Variants in PDE4B observed in about 807,000 individuals in gnomAD.
PDE4B encodes the protein 3',5'-cyclic-AMP phosphodiesterase 4B.
In PDE4B, 20 loss-of-function variants were observed where a neutral mutation model predicts 82.2. The observed-to-expected ratio is 0.24, with a 90% confidence interval of 0.17 to 0.35. The LOEUF is 0.35. Ranked by LOEUF, PDE4B falls within the 10% of genes least tolerant of loss-of-function variation. The probability of loss-of-function intolerance (pLI) is 1.00; values close to 1 mark genes in which losing one functional copy is unlikely to be tolerated. For synonymous variants in PDE4B, 320 were observed against 318.9 expected, an observed-to-expected ratio of 1.00 and a Z score of -0.04; for missense variants, 655 against 907.2, an observed-to-expected ratio of 0.72 and a Z score of 3.57.
intron 3 of PDE4B, among the ~76,000 whole-genome samples, chr1:65,971,316 C>T (rs1176320175): frequency 6.6e-6 from 1 of 151,982 alleles, no homozygotes; most frequent in Non-Finnish European, 1.5e-5. Context: ...AACTTGATTG[C>T]TTTTTCTATA....
chr1:65,827,621 CGAA>C (rs1557767172), intron 1 of PDE4B, among the ~76,000 whole-genome samples: 2 of 151,848 alleles, frequency 1.3e-5, no homozygotes. Context: ...TTGAGAAAAC[CGAA>C]GAAGATCAGA....
At chr1:66,221,518 T>A (rs1650987029) in intron 3 of PDE4B, among the ~76,000 whole-genome samples, 1 of 152,170 alleles carries the variant, frequency 6.6e-6, no homozygotes. Flanking sequence ...GCAGCAACAC[T>A]CTGAAATATA....
At chr1:65,867,015 A>G (rs1646519513) in intron 1 of PDE4B, among the ~76,000 whole-genome samples, 1 of 152,226 alleles carries the variant, frequency 6.6e-6, no homozygotes, top group Admixed American at 6.5e-5. Flanking sequence ...AGAGGTGTTT[A>G]ATGAAATATT....
intron 3 of PDE4B, among the ~76,000 whole-genome samples, chr1:66,195,885 G>T (rs1648258471): frequency 6.6e-6 from 1 of 151,788 alleles, no homozygotes; most frequent in African/African-American, 2.4e-5. Context: ...TTCCAAGAGT[G>T]GTATTGATTG....
chr1:65,935,646 T>G (rs1009924983), intron 3 of PDE4B, among the ~76,000 whole-genome samples: 1 of 152,198 alleles, frequency 6.6e-6, no homozygotes, highest in African/African-American at 2.4e-5. Context: ...ATACTTAGTT[T>G]AAAACACAAA....
At chr1:66,179,378 C>T (rs1327154769) in intron 3 of PDE4B, among the ~76,000 whole-genome samples, 1 of 151,930 alleles carries the variant, frequency 6.6e-6, no homozygotes, top group African/African-American at 2.4e-5. Context: ...TGGGTAGCAA[C>T]ACAGAAAATG....
intron 3 of PDE4B, among the ~76,000 whole-genome samples, chr1:66,009,098 A>C (rs1375196700): frequency 6.6e-6 from 1 of 151,972 alleles, no homozygotes; most frequent in African/African-American, 2.4e-5. Flanking sequence ...TCCCCCCTAC[A>C]CCATGCCCTT....
chr1:66,058,376 G>T (rs899993645), intron 3 of PDE4B, among the ~76,000 whole-genome samples: 4 of 152,176 alleles, frequency 2.6e-5, no homozygotes, highest in Admixed American at 6.5e-5. Context: ...CCACTCTGTT[G>T]TCTAGAGGAC....
At chr1:66,014,774 C>T (rs1410107289) in intron 3 of PDE4B, among the ~76,000 whole-genome samples, 2 of 152,076 alleles carry the variant, frequency 1.3e-5, no homozygotes, top group Non-Finnish European at 2.9e-5. Context: ...GTGGGGGTAG[C>T]AGTTGTTACT....
intron 1 of PDE4B, among the ~76,000 whole-genome samples, chr1:65,825,018 C>T (rs539765286): frequency 4.6e-5 from 7 of 152,274 alleles, no homozygotes; most frequent in South Asian, 4.1e-4. Flanking sequence ...CCATTTGGAT[C>T]AGTAGCAGAC....
At chr1:66,127,682 G>C (rs1218025936) in intron 3 of PDE4B, among the ~76,000 whole-genome samples, 2 of 152,106 alleles carry the variant, frequency 1.3e-5, no homozygotes, top group Non-Finnish European at 2.9e-5. Context: ...GGTTGATTCT[G>C]GGGTGTAAAA....
intron 1 of PDE4B, among the ~76,000 whole-genome samples, chr1:65,825,705 C>CCTGTCTGTCTGTCTGT (rs752252352): frequency 1.5e-3 from 158 of 107,448 alleles, no homozygotes; most frequent in African/African-American, 4.6e-3. Context: ...AACAAAATTA[C>CCTGTCTGTCTGTCTGT]CTATCTATCT....
chr1:65,800,439 A>G (rs1645681454), intron 1 of PDE4B, among the ~76,000 whole-genome samples: 1 of 152,192 alleles, frequency 6.6e-6, no homozygotes, highest in Non-Finnish European at 1.5e-5. Context: ...TAGGACTTCT[A>G]TTTGCAAGGT....
In PDE4B at chr1:65,942,306, C is replaced by T. The variant is rs138635645; in HGVS notation, c.281+23471C>T. Among the ~76,000 whole-genome samples the T allele has an allele frequency of 3.6e-3, 547 of 152,018 alleles. 3 individuals are homozygous for T. Among genetic ancestry groups the T allele is most frequent in the Middle Eastern group, 0.031 (9 of 294 alleles). On this transcript the variant is annotated intron_variant, in intron 3 of 16. Coordinates refer to ENST00000341517, the MANE Select transcript of PDE4B (RefSeq NM_002600.4). The stretch of plus-strand genomic sequence containing the variant: ...GTCTTTCTATGCCTGGCTTATTTCA[C>T]GTAACATAATGTCCTCCATGTCCAT...
At chr1:66,142,869 T>C (rs945163052) in intron 3 of PDE4B, among the ~76,000 whole-genome samples, 1 of 152,194 alleles carries the variant, frequency 6.6e-6, no homozygotes, top group East Asian at 1.9e-4. Flanking sequence ...TTTCCTTCAA[T>C]ACTCAGTTCA....
chr1:65,803,144 T>A (rs2101169158), intron 1 of PDE4B, among the ~76,000 whole-genome samples: 1 of 152,296 alleles, frequency 6.6e-6, no homozygotes. Flanking sequence ...GACAAAAATA[T>A]CCTTCATAAT....
At chr1:66,057,280 G>A (rs1042692557) in intron 3 of PDE4B, among the ~76,000 whole-genome samples, 7 of 152,064 alleles carry the variant, frequency 4.6e-5, no homozygotes, top group African/African-American at 9.7e-5. Context: ...CTACATTATT[G>A]CAACATTAGT....
At chr1:66,168,016 C>A (rs954867771) in intron 3 of PDE4B, among the ~76,000 whole-genome samples, 1 of 152,142 alleles carries the variant, frequency 6.6e-6, no homozygotes, top group Non-Finnish European at 1.5e-5. Flanking sequence ...AAAGCCTTTT[C>A]CTGTAAGAGA....
chr1:66,060,974 A>G (rs551506112), intron 3 of PDE4B, among the ~76,000 whole-genome samples: 1 of 152,060 alleles, frequency 6.6e-6, no homozygotes, highest in East Asian at 1.9e-4. Context: ...ATGTCACTGA[A>G]TGTCATAAAA....
Sources: allele counts gnomAD v4.1 joint callset (sites outside exome capture counted in the v4.1 genomes callset), GRCh38; gene constraint gnomAD v4.1.1; transcripts MANE v1.5; gene names NCBI Gene and HGNC (gene_info 2026-07-23, HGNC 2026-07-21).